NBPF20: variants seen among roughly 807,000 people sequenced by gnomAD.
The protein encoded by NBPF20 is NBPF member 20, also known as NBPF family member NBPF20.
NBPF20 carries 90 observed loss-of-function variants against 68.1 expected under a neutral mutation model. The observed-to-expected ratio is 1.32, with a 90% CI of 1.11 to 1.58. The LOEUF (loss-of-function observed/expected upper bound fraction) is 1.58. Ranked by LOEUF, NBPF20 falls within the 40% of genes most tolerant of loss-of-function variation. NBPF20 has a pLI of 0.00. For synonymous variants in NBPF20, 290 were observed against 228.1 expected, an observed-to-expected ratio of 1.27 and a Z score of -2.45; for missense variants, 816 against 601.2, an observed-to-expected ratio of 1.36 and a Z score of -3.74.
exon 137 of NBPF20, chr1:145,292,391 G>C: frequency 1.5e-6 from 1 of 683,032 alleles, no homozygotes; most frequent in South Asian, 1.6e-5. Flanking sequence ...CTGGGGCATG[G>C]TGGGTTTTGA....
At chr1:145,292,525 C>T (rs1553658330) in intron 136 of NBPF20, 36 bp from the exon 142 acceptor site, 2 of 686,588 alleles carry the variant, frequency 2.9e-6, no homozygotes, top group Admixed American at 2.3e-5. Flanking sequence ...ACACATTAAG[C>T]TGATTCCCCT....
the NBPF20 span, among the ~76,000 whole-genome samples, chr1:145,417,716 AT>A: frequency 1.3e-5 from 2 of 148,632 alleles, no homozygotes; most frequent in Non-Finnish European, 3.0e-5. Flanking sequence ...GCTCAAAATC[AT>A]TTGTTGTGAG....
intron 3 of NBPF20, 33 bp from the exon 9 acceptor site, chr1:145,402,414 G>A (rs1343357255): frequency 6.2e-6 from 10 of 1,605,348 alleles, no homozygotes; most frequent in South Asian, 1.1e-5. Flanking sequence ...ATTTAAGAGT[G>A]GAAAGGTTCA....
chr1:145,407,163 T>C (rs1257777654), upstream of NBPF20, among the ~76,000 whole-genome samples: 1 of 150,038 alleles, frequency 6.7e-6, no homozygotes, highest in East Asian at 1.9e-4. Context: ...TTGGTGTCTT[T>C]GTTTTTAAAA....
chr1:145,405,180 G>A (rs868978406), exon 2 of NBPF20: 8 of 1,388,494 alleles, frequency 5.8e-6, no homozygotes, highest in South Asian at 1.2e-5. Flanking sequence ...ACTGCTGTTT[G>A]TTCTCTGCCA....
At chr1:145,404,777 C>T (rs1202249092) in intron 2 of NBPF20, among the ~76,000 whole-genome samples, 3 of 151,890 alleles carry the variant, frequency 2.0e-5, no homozygotes. Flanking sequence ...TGTTATTTGT[C>T]TGCAGGATCT....
At chr1:145,393,588 T>A (rs1662049863) in intron 9 of NBPF20, 1 of 651,838 alleles carries the variant, frequency 1.5e-6, no homozygotes, top group Admixed American at 2.8e-5. Context: ...ACAGTGATCA[T>A]GAAAAGCATG....
At chr1:145,292,642 C>T (rs1482353078) in intron 136 of NBPF20, among the ~76,000 whole-genome samples, 153 bp from the exon 142 acceptor site, 1 of 148,300 alleles carries the variant, frequency 6.7e-6, no homozygotes, top group African/African-American at 2.6e-5. Flanking sequence ...GAAGGCTGTT[C>T]ATGATAGAAC....
chr1:145,291,431 T>A (rs1332744828), exon 138 of NBPF20: 1 of 1,610,198 alleles, frequency 6.2e-7, no homozygotes, highest in Non-Finnish European at 8.5e-7. Flanking sequence ...ATCCTATGTC[T>A]GGGCTTCCAA....
Position 145,352,094 on chromosome 1 carries a change from A to C in NBPF20, c.7350-5T>G, listed in dbSNP as rs1258443083. 5.1e-5 allele frequency: 2 copies of C among 38,846 alleles called. No individual in the cohort carries two copies. Among genetic ancestry groups the C allele is most frequent in the African/African-American group, 9.8e-4 (2 of 2,042 alleles). The allele number at this position is 38,846 out of a possible 1,614,324, so 2.4% of individuals were successfully genotyped here. On this transcript the variant is annotated splice_polypyrimidine_tract_variant and splice_region_variant and intron_variant, in intron 61 of 137. Coordinates refer to ENST00000369373, the Ensembl canonical transcript of NBPF20. Reference sequence around the variant, plus strand: ...TCCAGCAGCTCCCTGCTGAGCCTGGAAAAGGAGGAAAAAGTAAAGAATAAG... The same window carrying C: ...TCCAGCAGCTCCCTGCTGAGCCTGGCAAAGGAGGAAAAAGTAAAGAATAAG...
chr1:145,409,969 A>G (rs1293287420), upstream of NBPF20, among the ~76,000 whole-genome samples: 2 of 151,988 alleles, frequency 1.3e-5, no homozygotes, highest in Admixed American at 1.3e-4. Context: ...CGGAGCCACG[A>G]GAAACAGCAT....
chr1:145,405,574 C>T, upstream of NBPF20: 3 of 898,076 alleles, frequency 3.3e-6, no homozygotes, highest in East Asian at 2.7e-5. Flanking sequence ...TCTGCAGTTG[C>T]AATAACAGAA....
At chr1:145,407,575 G>GTA (rs1317388424), upstream of NBPF20, among the ~76,000 whole-genome samples, 5 of 146,202 alleles carry the variant, frequency 3.4e-5, no homozygotes, top group Non-Finnish European at 6.0e-5. Flanking sequence ...TATAACACGT[G>GTA]TATATATATA....
In NBPF20 at chr1:145,393,870, T is replaced by C; in HGVS notation, c.1043+14A>G. ...TCAACATCAAATTAACTCTCCACAATTTCTCAGACTCACCTGGGACCTGTT... is the reference window on the plus strand; with the variant it reads ...TCAACATCAAATTAACTCTCCACAACTTCTCAGACTCACCTGGGACCTGTT... On this transcript the variant is annotated intron_variant, in intron 9 of 137. Coordinates refer to ENST00000369373, the Ensembl canonical transcript of NBPF20. 6.5e-7 allele frequency: 1 copy of C among 1,543,906 alleles called. No homozygotes were observed. Among genetic ancestry groups the C allele is most frequent in the South Asian group, 1.1e-5 (1 of 89,948 alleles).
intron 8 of NBPF20, 85 bp downstream of exon 13, chr1:145,394,893 C>A: frequency 7.3e-7 from 1 of 1,377,850 alleles, no homozygotes; most frequent in East Asian, 2.3e-5. Flanking sequence ...AATCTCAGCC[C>A]AACAAGGGGC....
chr1:145,291,406 C>T (rs1392569382), exon 138 of NBPF20: 16 of 1,599,348 alleles, frequency 1.0e-5, no homozygotes, highest in Middle Eastern at 2.3e-4. Context: ...GGAATACAGC[C>T]ATGCCCACTG....
chr1:145,298,383 C>A (rs1474824797), intron 129 of NBPF20, among the ~76,000 whole-genome samples: 12 of 144,092 alleles, frequency 8.3e-5, no homozygotes, highest in Non-Finnish European at 1.6e-4. Context: ...CACACACACA[C>A]ACACAGAGAG....
chr1:145,393,315 T>G (rs1436190354), intron 9 of NBPF20, 69 bp from the exon 15 acceptor site: 1 of 680,556 alleles, frequency 1.5e-6, no homozygotes, highest in Non-Finnish European at 2.7e-6. Flanking sequence ...CAGCTAGATT[T>G]CATGGCTAAC....
In NBPF20 at chr1:145,400,487, C is replaced by T. The variant is rs1264392690; in HGVS notation, c.674G>A (p.Arg225Lys). ...TTCCTCAAATGTGATTTTGGTTTTC[C>T]TATGTGGCTGGTTGGAGTCATAAGG... The change falls in exon 6 of 138, where the codon AGG (arginine) becomes AAG (lysine). Residue 225 changes from arginine to lysine, a missense_variant. Physicochemically the swap from Arg to Lys is conservative, Grantham distance 26. Coordinates refer to ENST00000369373, the Ensembl canonical transcript of NBPF20. 1.5e-5 allele frequency: 24 copies of T among 1,612,808 alleles called. No individual in the cohort carries two copies. In the Middle Eastern group the frequency reaches 5.5e-4, roughly 37 times the overall value.
Sources: gnomAD v4.1 joint callset for allele counts (sites outside exome capture counted in the v4.1 genomes callset) on GRCh38, gnomAD v4.1.1 for gene constraint, MANE v1.5 for transcripts, NCBI Gene and HGNC (gene_info 2026-07-23, HGNC 2026-07-21) for gene names.